Variants in MARCHF1 observed in about 807,000 individuals in gnomAD.
The protein encoded by MARCHF1 is membrane associated ring-CH-type finger 1, also known as E3 ubiquitin-protein ligase MARCHF1.
Under a neutral mutation model 54.2 loss-of-function variants are expected in MARCHF1, and 40 were observed. The observed-to-expected ratio is 0.74, with a 90% confidence interval of 0.57 to 0.96. The LOEUF (loss-of-function observed/expected upper bound fraction) is 0.96, where lower values mean the gene tolerates loss of function less well. Ranked by LOEUF, MARCHF1 falls within the 40% of genes least tolerant of loss-of-function variation. The pLI, the probability that MARCHF1 is intolerant of heterozygous loss-of-function variation, is 0.00. For synonymous variants in MARCHF1, 236 were observed against 236.3 expected (o/e 1.00, Z 0.01); for missense variants, 586 against 656.5 (o/e 0.89, Z 1.17).
chr4:163,531,976 A>G (rs1463047385), intron 9 of MARCHF1, among the ~76,000 whole-genome samples: 1 of 151,900 alleles, frequency 6.6e-6, no homozygotes, highest in East Asian at 1.9e-4. Flanking sequence ...TTCCACATTT[A>G]TGGATAGGGA....
chr4:164,081,141 G>A (rs571285788), intron 2 of MARCHF1, among the ~76,000 whole-genome samples: 52 of 132,022 alleles, frequency 3.9e-4, no homozygotes, highest in Non-Finnish European at 6.3e-4. Context: ...CCAGGAGGCG[G>A]AGCTTGCAGT....
chr4:164,010,062 CTTTTTTT>C (rs35143590), intron 2 of MARCHF1, among the ~76,000 whole-genome samples: 1 of 98,572 alleles, frequency 1.0e-5, no homozygotes, highest in African/African-American at 3.7e-5. Flanking sequence ...TCAAAAAACT[CTTTTTTT>C]TTTTTTTTTT....
chr4:163,662,981 GAA>G lies in MARCHF1; in HGVS notation c.162+37830_162+37831del, dbSNP rs11327955. ...TTTGCCACGGGTTATTATTGGCCTG[GAA>G]AAAAAAAAATGTTTCTTAACTAGGG... is the stretch of plus-strand genomic sequence containing the variant. On this transcript the variant is annotated intron_variant, in intron 5 of 9. Coordinates refer to ENST00000514618, the MANE Select transcript of MARCHF1 (RefSeq NM_001394959.1). Among the ~76,000 whole-genome samples the G allele has an allele frequency of 4.6e-3, 687 of 150,084 alleles. 4 individuals carry two copies. Among genetic ancestry groups the G allele is most frequent in the African/African-American group, 0.015 (616 of 41,020 alleles).
At chr4:163,876,717 G>T (rs1750297546) in intron 3 of MARCHF1, among the ~76,000 whole-genome samples, 3 of 152,090 alleles carry the variant, frequency 2.0e-5, no homozygotes, top group African/African-American at 7.2e-5. Flanking sequence ...AAAGGAAAAA[G>T]GGTATTGAAA....
chr4:164,027,331 A>T (rs186748163), intron 2 of MARCHF1, among the ~76,000 whole-genome samples: 1 of 140,364 alleles, frequency 7.1e-6, no homozygotes, highest in East Asian at 2.2e-4. Context: ...CCTGTCTTTA[A>T]GCCTATAGTA....
chr4:163,974,188 AG>A lies in MARCHF1; in HGVS notation c.-39+14312del, dbSNP rs539805450. On this transcript the variant is annotated intron_variant, in intron 3 of 9. Coordinates refer to ENST00000514618, the MANE Select transcript of MARCHF1 (RefSeq NM_001394959.1). ...GGGTCTGTGACCCCTAATTTTGAAT[AG>A]GGTGAGCTTGTAACTGTTTCAATCA... Among the ~76,000 whole-genome samples, 28 of 152,294 alleles carry A rather than the reference AG, an allele frequency of 1.8e-4. 1 individual carries two copies. In the South Asian group the frequency reaches 5.0e-3, roughly 27 times the overall value.
chr4:163,723,722 T>A (rs1231487840), intron 4 of MARCHF1, among the ~76,000 whole-genome samples: 2 of 152,160 alleles, frequency 1.3e-5, no homozygotes, highest in African/African-American at 2.4e-5. Flanking sequence ...TTTGTTCATG[T>A]CTTTTTACTC....
chr4:163,862,557 A>G (rs1284950048), intron 3 of MARCHF1, among the ~76,000 whole-genome samples: 1 of 152,086 alleles, frequency 6.6e-6, no homozygotes, highest in Non-Finnish European at 1.5e-5. Context: ...ATAATACCAA[A>G]TACTGACAAG....
At chr4:163,721,737 T>C (rs1745468947) in intron 4 of MARCHF1, among the ~76,000 whole-genome samples, 1 of 152,168 alleles carries the variant, frequency 6.6e-6, no homozygotes, top group South Asian at 2.1e-4. Context: ...GGGATTCAAC[T>C]TCTTCCTGGT....
At chr4:163,552,881 A>G (rs1188901399) in intron 8 of MARCHF1, among the ~76,000 whole-genome samples, 2 of 152,106 alleles carry the variant, frequency 1.3e-5, no homozygotes, top group African/African-American at 4.8e-5. Flanking sequence ...AAAATACAAA[A>G]AATCAGCTGG....
intron 4 of MARCHF1, among the ~76,000 whole-genome samples, chr4:163,762,634 A>G (rs958112387): frequency 3.3e-5 from 5 of 152,108 alleles, no homozygotes; most frequent in Non-Finnish European, 5.9e-5. Context: ...ACCGTTGTAA[A>G]CAATGTTATA....
chr4:164,099,058 G>A (rs941127371), intron 2 of MARCHF1, among the ~76,000 whole-genome samples: 2 of 152,190 alleles, frequency 1.3e-5, no homozygotes, highest in Non-Finnish European at 2.9e-5. Context: ...TCAAATGCAT[G>A]TATGTGTTAT....
At chr4:164,317,346 GA>G (rs1735026145) in intron 1 of MARCHF1, among the ~76,000 whole-genome samples, 1 of 152,106 alleles carries the variant, frequency 6.6e-6, no homozygotes, top group African/African-American at 2.4e-5. Context: ...ACATTTAAAA[GA>G]AGCCTGGAAG....
intron 4 of MARCHF1, among the ~76,000 whole-genome samples, chr4:163,839,782 A>T (rs1015428665): frequency 4.6e-5 from 7 of 152,112 alleles, no homozygotes; most frequent in African/African-American, 1.7e-4. Context: ...AATGTTCCAG[A>T]TTTAGATTAT....
At chr4:163,603,458 G>A (rs898299681) in intron 7 of MARCHF1, among the ~76,000 whole-genome samples, 2 of 152,036 alleles carry the variant, frequency 1.3e-5, no homozygotes, top group South Asian at 2.1e-4. Context: ...TACCAACCTC[G>A]ACAGGGCTTT....
intron 2 of MARCHF1, among the ~76,000 whole-genome samples, chr4:164,023,293 CA>C (rs1753703599): frequency 6.6e-6 from 1 of 152,150 alleles, no homozygotes; most frequent in Admixed American, 6.5e-5. Flanking sequence ...GGGGCTCCTC[CA>C]AGGCCCAGAA....
chr4:163,991,007 T>G (rs1752957969), intron 2 of MARCHF1, among the ~76,000 whole-genome samples: 1 of 152,198 alleles, frequency 6.6e-6, no homozygotes, highest in Non-Finnish European at 1.5e-5. Context: ...GAGGTTATCC[T>G]TTGTTTGCTA....
At chr4:164,033,115 A>G (rs1753913464) in intron 2 of MARCHF1, among the ~76,000 whole-genome samples, 1 of 151,692 alleles carries the variant, frequency 6.6e-6, no homozygotes, top group Admixed American at 6.6e-5. Flanking sequence ...CAGAGTTTGC[A>G]GTGAGCCAAG....
intron 5 of MARCHF1, among the ~76,000 whole-genome samples, chr4:163,636,132 A>G (rs1436802987): frequency 6.6e-6 from 1 of 152,208 alleles, no homozygotes; most frequent in Non-Finnish European, 1.5e-5. Context: ...ACCCACAGCC[A>G]ATATCATACT....
Sources: allele counts gnomAD v4.1 joint callset (sites outside exome capture counted in the v4.1 genomes callset), GRCh38; gene constraint gnomAD v4.1.1; transcripts MANE v1.5; gene names NCBI Gene and HGNC (gene_info 2026-07-23, HGNC 2026-07-21).